The following LUZP2 variants were observed in gnomAD, a reference collection of about 807,000 sequenced individuals.
LUZP2 encodes the protein leucine zipper protein 2.
Under a neutral mutation model 51.6 loss-of-function variants are expected in LUZP2, and 52 were observed. That is an observed-to-expected ratio of 1.01 (90% CI 0.81 to 1.27). The LOEUF (loss-of-function observed/expected upper bound fraction) is 1.27. Ranked by LOEUF, LUZP2 falls within the 50% of genes most tolerant of loss-of-function variation. The pLI is 0.00. For synonymous variants in LUZP2, 154 were observed against 137.3 expected (o/e 1.12, Z -0.85); for missense variants, 436 against 395.4 (o/e 1.10, Z -0.87).
intron 1 of LUZP2, among the ~76,000 whole-genome samples, chr11:24,563,540 T>A (rs1464131867): frequency 6.6e-6 from 1 of 152,178 alleles, no homozygotes; most frequent in Non-Finnish European, 1.5e-5. Context: ...ATAAGTACGA[T>A]TCTATCAAAT....
At chr11:25,044,251 GTGTGTGTA>G (rs1261978865) in intron 9 of LUZP2, among the ~76,000 whole-genome samples, 94 of 117,632 alleles carry the variant, frequency 8.0e-4, no homozygotes, top group African/African-American at 2.2e-3. Context: ...GTGTGTGTGT[GTGTGTGTA>G]TATATATATA....
At chr11:24,513,971 G>T (rs984170843) in intron 1 of LUZP2, among the ~76,000 whole-genome samples, 2 of 152,188 alleles carry the variant, frequency 1.3e-5, no homozygotes, top group African/African-American at 4.8e-5. Context: ...CAAGTGTAGT[G>T]CATTCTGCAA....
At chr11:25,065,237 C>T (rs1205894447) in intron 10 of LUZP2, among the ~76,000 whole-genome samples, 1 of 151,994 alleles carries the variant, frequency 6.6e-6, no homozygotes, top group African/African-American at 2.4e-5. Context: ...CCACAAAGCA[C>T]CTGGCACACA....
chr11:24,920,191 A>T (rs893746491), intron 7 of LUZP2, among the ~76,000 whole-genome samples: 1 of 151,976 alleles, frequency 6.6e-6, no homozygotes, highest in Non-Finnish European at 1.5e-5. Context: ...ATAATGGCAG[A>T]CATTTTGATA....
chr11:24,735,059 C>A (rs955277321), intron 3 of LUZP2, among the ~76,000 whole-genome samples: 3 of 151,882 alleles, frequency 2.0e-5, no homozygotes, highest in Non-Finnish European at 2.9e-5. Flanking sequence ...AACGTAGAGG[C>A]AACTAATAAG....
chr11:24,685,372 T>A (rs763352936), intron 1 of LUZP2, among the ~76,000 whole-genome samples: 4 of 152,166 alleles, frequency 2.6e-5, no homozygotes, highest in Non-Finnish European at 5.9e-5. Flanking sequence ...TTCATGATCT[T>A]GCACCTGCCT....
chr11:24,890,256 C>T (rs1179249769), intron 5 of LUZP2, among the ~76,000 whole-genome samples: 1 of 152,094 alleles, frequency 6.6e-6, no homozygotes, highest in Non-Finnish European at 1.5e-5. Context: ...GAGGTGATAA[C>T]AAACCAATTA....
At chr11:24,662,447 T>C (rs2133984666) in intron 1 of LUZP2, among the ~76,000 whole-genome samples, 1 of 152,220 alleles carries the variant, frequency 6.6e-6, no homozygotes, top group African/African-American at 2.4e-5. Flanking sequence ...ATTTACAAAA[T>C]AATGTCCAAA....
At chr11:24,505,134 C>T (rs1850109224) in intron 1 of LUZP2, among the ~76,000 whole-genome samples, 2 of 152,162 alleles carry the variant, frequency 1.3e-5, no homozygotes, top group African/African-American at 4.8e-5. Flanking sequence ...ACATTCATCT[C>T]ATGTCCCCTG....
intron 1 of LUZP2, among the ~76,000 whole-genome samples, chr11:24,572,180 A>G (rs932941886): frequency 5.3e-5 from 8 of 152,000 alleles, no homozygotes; most frequent in Non-Finnish European, 8.8e-5. Context: ...ATATAGTAAG[A>G]TTTATTGTCA....
chr11:24,554,792 C>T (rs754228122), intron 1 of LUZP2, among the ~76,000 whole-genome samples: 10 of 146,852 alleles, frequency 6.8e-5, no homozygotes, highest in Admixed American at 4.2e-4. Flanking sequence ...TAAAGTTATC[C>T]CTAAAGTTTA....
At chr11:24,983,045 G>A in intron 8 of LUZP2, 81 bp from the exon 9 acceptor site, 2 of 1,398,524 alleles carry the variant, frequency 1.4e-6, no homozygotes, top group South Asian at 1.3e-5. Flanking sequence ...GGGAGTATAG[G>A]CTAAGAGGAA....
chr11:24,957,772 A>G (rs1855252310), intron 7 of LUZP2, among the ~76,000 whole-genome samples: 1 of 152,072 alleles, frequency 6.6e-6, no homozygotes, highest in African/African-American at 2.4e-5. Context: ...TTATTAATAT[A>G]CTTTAAGTTT....
At chr11:24,779,062 T>C (rs1027679831) in intron 5 of LUZP2, among the ~76,000 whole-genome samples, 25 of 152,188 alleles carry the variant, frequency 1.6e-4, no homozygotes, top group Admixed American at 2.6e-4. Context: ...AAGTATGGTA[T>C]TCTCTAGTAC....
At chr11:24,612,101 T>C (rs758858266) in intron 1 of LUZP2, among the ~76,000 whole-genome samples, 4 of 152,116 alleles carry the variant, frequency 2.6e-5, no homozygotes, top group Non-Finnish European at 5.9e-5. Flanking sequence ...TGAGTAGTTA[T>C]GAAGCTAGAA....
intron 7 of LUZP2, among the ~76,000 whole-genome samples, chr11:24,974,959 G>A (rs1230729909): frequency 2.6e-5 from 4 of 151,976 alleles, no homozygotes; most frequent in Non-Finnish European, 5.9e-5. Context: ...AGTTGCCTGG[G>A]GGTCAGTGAT....
intron 1 of LUZP2, among the ~76,000 whole-genome samples, chr11:24,672,171 A>G (rs1422177243): frequency 6.6e-6 from 1 of 152,108 alleles, no homozygotes; most frequent in Non-Finnish European, 1.5e-5. Context: ...TATATTTGGA[A>G]TTGTGTTATG....
chr11:24,848,167 A>ATATGATATGATAGC (rs1851263764), intron 5 of LUZP2, among the ~76,000 whole-genome samples: 2 of 127,600 alleles, frequency 1.6e-5, no homozygotes, highest in African/African-American at 6.3e-5. Flanking sequence ...GATATGATAG[A>ATATGATATGATAGC]TATGTTATTA....
At chr11:25,043,560 G>GGATGTATGTATCCAGGATATATGA (rs1554959944) in intron 9 of LUZP2, among the ~76,000 whole-genome samples, 2 of 149,418 alleles carry the variant, frequency 1.3e-5, no homozygotes, top group Non-Finnish European at 3.0e-5. Flanking sequence ...AGCTCTGCAA[G>GGATGTATGTATCCAGGATATATGA]GATATATGTA....
Sources: gnomAD v4.1 joint callset for allele counts (sites outside exome capture counted in the v4.1 genomes callset) on GRCh38, gnomAD v4.1.1 for gene constraint, MANE v1.5 for transcripts, NCBI Gene and HGNC (gene_info 2026-07-23, HGNC 2026-07-21) for gene names.